The following TTN variants were observed in gnomAD, a reference collection of about 807,000 sequenced individuals.
The protein encoded by TTN is connectin.
Under a neutral mutation model 3,223.0 loss-of-function variants are expected in TTN, and 1,525 were observed. The observed-to-expected ratio is 0.47, with a 90% CI of 0.45 to 0.49. The LOEUF (loss-of-function observed/expected upper bound fraction) is 0.49, where lower values mean the gene tolerates loss of function less well. Ranked by LOEUF, TTN falls within the 20% of genes least tolerant of loss-of-function variation. The pLI, the probability that TTN is intolerant of heterozygous loss-of-function variation, is 0.00. For missense variants in TTN, 40,786 were observed against 43,424.0 expected (o/e 0.94, Z 5.40); for synonymous variants, 14,094 against 15,161.0 (o/e 0.93, Z 5.17).
chr2:178,546,262 A>G lies in TTN; in HGVS notation c.95069T>C (p.Val31690Ala), dbSNP rs1224358849. The change falls in exon 342 of 363, where the codon GTG (valine) becomes GCG (alanine). Residue 31690 changes from valine (V) to alanine (A), a missense_variant. By Grantham distance (64) the Val-to-Ala change is moderately conservative. Transcript: ENST00000589042. ...RSDSGKYTLT[V>A]KNASGTKAVS... ...GGCCTTGGTCCCGCTGGCATTTTTC[A>G]CTGTTAAAGTGTATTTTCCACTGTC... The G allele has an allele frequency of 1.2e-6, 2 of 1,613,266 alleles. No individual in the cohort carries two copies. The highest frequency in any genetic ancestry group is 1.3e-5 in the African/African-American group (1 of 74,906).
intron 308 of TTN, among the ~76,000 whole-genome samples, chr2:178,585,683 A>G (rs1038363351): frequency 3.9e-5 from 6 of 152,164 alleles, no homozygotes; most frequent in Admixed American, 1.3e-4. Context: ...ATGAGTGAGA[A>G]CATGTGGTGT....
Position 178,776,180 on chromosome 2 carries a change from T to G in TTN, c.5684A>C (p.His1895Pro), listed in dbSNP as rs766694270. Residue 1895 changes from histidine to proline, a missense_variant, in exon 28 of 363, where the codon CAT becomes CCT. Physicochemically the swap from His to Pro is moderately conservative, Grantham distance 77. Transcript: ENST00000589042. ...TTTGCAGTCCACGATGTCCAGGTAA[T>G]GGATACCATCATAGCGAACTCTGAA... ...KRFRVRYDGI[H>P]YLDIVDCKSY... is the part of the protein sequence containing the mutation. 7 of 1,614,150 alleles carry G rather than the reference T, an allele frequency of 4.3e-6. No individual in the cohort carries two copies. The highest frequency in any genetic ancestry group is 4.2e-6 in the Non-Finnish European group (5 of 1,179,974).
Position 178,561,391 on chromosome 2 carries a change from G to T in TTN, c.84741C>A (p.Val28247=), listed in dbSNP as rs752395100. 2.5e-6 allele frequency: 4 copies of T among 1,613,560 alleles called. No individual in the cohort carries two copies. The Admixed American group carries it at 6.7e-5, about 27-fold the overall frequency. The change falls in exon 326 of 363, where the codon GTC becomes GTA. Residue 28247 remains valine (V), a synonymous_variant. Coordinates refer to ENST00000589042, the MANE Select transcript of TTN (RefSeq NM_001267550.2). The part of the protein sequence containing the change: ...IGKCSKSCEP[V]PARDPCDPPG... ...GAGGGTCACAAGGATCTCTTGCAGG[G>T]ACTGGTTCACAAGATTTACTGCATT...
At chr2:178,603,485 T>C (rs76226740) in intron 282 of TTN, among the ~76,000 whole-genome samples, 8,072 of 151,992 alleles carry the variant, frequency 0.053, 414 homozygotes, top group East Asian at 0.13. Flanking sequence ...CAACATTCTG[T>C]TTTTTGTTGA....
chr2:178,710,852 G>C lies in TTN; in HGVS notation c.28245C>G (p.Asp9415Glu). Residue 9415 changes from aspartate (D) to glutamate (E), a missense_variant, in exon 98 of 363, where the codon GAC becomes GAG. Coordinates refer to ENST00000589042, the MANE Select transcript of TTN (RefSeq NM_001267550.2). ...PVDAVVGESA[D>E]FECHVTGTQP... ...GTGTGCCCGTGACGTGGCACTCAAA[G>C]TCAGCACTTTCTCCCACCACAGCAT... The C allele has an allele frequency of 6.2e-7, 1 of 1,613,886 alleles. No individual in the cohort carries two copies. The highest frequency in any genetic ancestry group is 8.5e-7 in the Non-Finnish European group (1 of 1,179,812).
chr2:178,723,339 A>T lies in TTN; in HGVS notation c.21683-15T>A, dbSNP rs561254355. The T allele has an allele frequency of 1.4e-5, 23 of 1,608,122 alleles. No individual in the cohort carries two copies. Among genetic ancestry groups the T allele is most frequent in the Non-Finnish European group, 1.4e-5 (16 of 1,176,800 alleles). On this transcript the variant is annotated splice_polypyrimidine_tract_variant and intron_variant, in intron 74 of 362. Coordinates refer to ENST00000589042, the MANE Select transcript of TTN (RefSeq NM_001267550.2). Reference sequence around the variant, plus strand: ...TGCAGCTGGTTCTAGTAAGTGACAAAGCACAGCAGTTAAACACAAGAAAAA... The same window carrying T: ...TGCAGCTGGTTCTAGTAAGTGACAATGCACAGCAGTTAAACACAAGAAAAA...
chr2:178,589,202 T>C lies in TTN; in HGVS notation c.62523A>G (p.Lys20841=). Residue 20841 remains lysine, a synonymous_variant, in exon 304 of 363, where the codon AAA becomes AAG. Coordinates refer to ENST00000589042, the MANE Select transcript of TTN (RefSeq NM_001267550.2). Reference sequence around the variant, plus strand: ...CCGTGTTAGTTGCCGTAACTACATATTTACCCCCATCACTTCGCTTTGCTT... The same window carrying C: ...CCGTGTTAGTTGCCGTAACTACATACTTACCCCCATCACTTCGCTTTGCTT... ...LTKAKRSDGG[K]YVVTATNTAG... is the part of the protein sequence containing the mutation. The C allele has an allele frequency of 3.1e-6, 5 of 1,613,504 alleles. No homozygotes were observed. The highest frequency in any genetic ancestry group is 4.2e-6 in the Non-Finnish European group (5 of 1,179,622).
rs1050740085 is a variant in TTN at position 178,633,644 on chromosome 2, C to T, written c.42715G>A (p.Asp14239Asn). ...ADPYFTVKLH[D>N]KTAVEKDEIT... is the part of the protein sequence containing the mutation. ...TCATCCTTCTCCACTGCAGTTTTGT[C>T]ATGTAATTTCACAGTGAAGTAGGGA... The change falls in exon 232 of 363, where the codon GAC (aspartate) becomes AAC (asparagine). Residue 14239 changes from aspartate (D) to asparagine (N), a missense_variant. Transcript: ENST00000589042. The T allele has an allele frequency of 4.3e-6, 7 of 1,612,846 alleles. No individual in the cohort carries two copies. Among genetic ancestry groups the T allele is most frequent in the Non-Finnish European group, 5.9e-6 (7 of 1,179,446 alleles).
At chr2:178,783,127 G>A in intron 17 of TTN, 63 bp from the exon 18 acceptor site, 5 of 1,581,388 alleles carry the variant, frequency 3.2e-6, no homozygotes, top group Non-Finnish European at 4.3e-6. Context: ...CTTCTGTTTT[G>A]TAACAAATGT....
chr2:178,746,479 A>G (rs769023394), intron 47 of TTN: 1 of 1,612,762 alleles, frequency 6.2e-7, no homozygotes, highest in Non-Finnish European at 8.5e-7. Context: ...CAATTTCTTG[A>G]GGAGAAGGTG....
chr2:178,663,564 A>C, intron 171 of TTN, 48 bp from the exon 172 acceptor site: 2 of 1,613,774 alleles, frequency 1.2e-6, no homozygotes, highest in South Asian at 2.2e-5. Context: ...GAAGACCACT[A>C]GAAAAATATT....
intron 265 of TTN, 45 bp downstream of exon 265, chr2:178,612,728 G>C: frequency 6.4e-7 from 1 of 1,570,246 alleles, no homozygotes. Context: ...CTCACAGGCA[G>C]ATATTAGAAG....
chr2:178,624,804 C>T, intron 241 of TTN, 73 bp from the exon 242 acceptor site: 3 of 1,547,808 alleles, frequency 1.9e-6, no homozygotes, highest in Non-Finnish European at 2.6e-6. Flanking sequence ...CTCAACTTTC[C>T]CCTGCCATCT....
rs56061641 is a variant in TTN at position 178,537,118 on chromosome 2, A to G, written c.99991T>C (p.Cys33331Arg). The G allele has an allele frequency of 2.1e-4, 343 of 1,613,332 alleles. 5 individuals are homozygous for G. In the Middle Eastern group the frequency reaches 0.014, roughly 64 times the overall value. The change falls in exon 356 of 363, where the codon TGT (cysteine) becomes CGT (arginine). Residue 33331 changes from cysteine (C) to arginine (R), a missense_variant. By Grantham distance (180) the Cys-to-Arg change is radical. Transcript: ENST00000589042. ...CATTCAGCCCCCTCCTTGGCCTCAC[A>G]TTTTTCCACCACATAGTTGGTGATC... The part of the protein sequence containing the change: ...SWITNYVVEK[C>R]EAKEGAEWQL...
Position 178,634,034 on chromosome 2 carries a change from T to C in TTN, c.42465A>G (p.Glu14155=), listed in dbSNP as rs878923460. Residue 14155 remains glutamate (E), a synonymous_variant, in exon 231 of 363, where the codon GAA becomes GAG. Coordinates refer to ENST00000589042, the MANE Select transcript of TTN (RefSeq NM_001267550.2). This position sits in a 1 kb window ranked among gnomAD's most constrained non-coding sequence, Gnocchi z 4.6. ...MSPLEDQTVK[E]GETATFVCEL... ...CACAAACAAAAGTTGCTGTTTCACC[T>C]TCTTTTACTGTTTGATCTTCAAGAG... is the stretch of plus-strand genomic sequence containing the variant. 4 of 1,613,122 alleles carry C rather than the reference T, an allele frequency of 2.5e-6. No homozygotes were observed. Among genetic ancestry groups the C allele is most frequent in the Non-Finnish European group, 3.4e-6 (4 of 1,179,494 alleles).
In TTN at chr2:178,591,523, A is replaced by G. The variant is rs533551256; in HGVS notation, c.60221-19T>C. On this transcript the variant is annotated intron_variant, in intron 303 of 362. Coordinates refer to ENST00000589042, the MANE Select transcript of TTN (RefSeq NM_001267550.2). ...GGAGGCACTGAAAAGTAAACATGAA[A>G]AAATTAGATTTTGATTTTCACCTAT... The G allele has an allele frequency of 3.5e-5, 55 of 1,582,710 alleles. No homozygotes were observed. The East Asian group carries it at 1.2e-3, about 34-fold the overall frequency.
intron 151 of TTN, 36 bp from the exon 152 acceptor site, chr2:178,673,746 C>T: frequency 6.6e-7 from 1 of 1,508,988 alleles, no homozygotes; most frequent in Non-Finnish European, 9.1e-7. Context: ...TGAAAAGTGG[C>T]ATGTGATGAG....
chr2:178,620,587 C>T lies in TTN; in HGVS notation c.45934G>A (p.Glu15312Lys). ...GTGACAGATTTCTTCTCCATTGTTT[C>T]AATATCTTTAAGAGGCTCAACAATC... ...LRIVEPLKDIETMEKKSVTFW... is the reference protein window; with the variant it reads ...LRIVEPLKDIKTMEKKSVTFW... Residue 15312 changes from glutamate to lysine, a missense_variant, in exon 248 of 363, where the codon GAA becomes AAA. By Grantham distance (56) the Glu-to-Lys change is moderately conservative (BLOSUM62 1). Transcript: ENST00000589042. 6.2e-7 allele frequency: 1 copy of T among 1,610,972 alleles called. No individual in the cohort carries two copies. Among genetic ancestry groups the T allele is most frequent in the Non-Finnish European group, 8.5e-7 (1 of 1,178,376 alleles).
intron 33 of TTN, among the ~76,000 whole-genome samples, chr2:178,772,280 G>A (rs905407330): frequency 6.6e-5 from 10 of 151,848 alleles, no homozygotes; most frequent in South Asian, 2.1e-4. Flanking sequence ...ATCTTATAAC[G>A]TAAGTAAGTA....
Sources: allele counts gnomAD v4.1 joint callset (sites outside exome capture counted in the v4.1 genomes callset), GRCh38; gene constraint gnomAD v4.1.1; non-coding constraint Gnocchi (gnomAD v3.1); transcripts MANE v1.5; gene names NCBI Gene and HGNC (gene_info 2026-07-23, HGNC 2026-07-21).